Variants in MACROD2 observed in about 807,000 individuals in gnomAD.
MACROD2 encodes mono-ADP ribosylhydrolase 2.
Under a neutral mutation model 70.4 loss-of-function variants are expected in MACROD2, and 36 were observed. That is an observed-to-expected ratio of 0.51 (90% CI 0.39 to 0.68). MACROD2 has a LOEUF of 0.68. Among genes scored for constraint, MACROD2 ranks in the 30% least tolerant of loss-of-function variants. The pLI, the probability that MACROD2 is intolerant of heterozygous loss-of-function variation, is 0.00. For synonymous variants in MACROD2, 172 were observed against 178.8 expected (o/e 0.96, Z 0.30); for missense variants, 496 against 538.4 (o/e 0.92, Z 0.78).
chr20:14,180,807 C>G (rs2081299382), intron 3 of MACROD2, among the ~76,000 whole-genome samples: 1 of 151,904 alleles, frequency 6.6e-6, no homozygotes, highest in Non-Finnish European at 1.5e-5. Context: ...GTAAATTGCT[C>G]AAATATTAGA....
intron 8 of MACROD2, among the ~76,000 whole-genome samples, chr20:15,526,315 T>A (rs113825717): frequency 5.5e-4 from 83 of 152,214 alleles, no homozygotes; most frequent in African/African-American, 1.8e-3. Flanking sequence ...TAGATGACAA[T>A]GATGGAATGA....
At chr20:15,521,497 T>C (rs1000993217) in intron 8 of MACROD2, among the ~76,000 whole-genome samples, 4 of 152,250 alleles carry the variant, frequency 2.6e-5, no homozygotes, top group African/African-American at 9.6e-5. Flanking sequence ...GGATAAGTAT[T>C]AACTTGAGTA....
At chr20:15,520,084 T>C (rs968240873) in intron 8 of MACROD2, among the ~76,000 whole-genome samples, 2 of 152,186 alleles carry the variant, frequency 1.3e-5, no homozygotes, top group Non-Finnish European at 2.9e-5. Flanking sequence ...AAACTTATCA[T>C]AGAAAAATGA....
rs778645787 is a variant in MACROD2 at position 15,885,766 on chromosome 20, G to T, written c.730G>T (p.Asp244Tyr). The T allele has an allele frequency of 1.3e-5, 19 of 1,480,970 alleles. No individual in the cohort carries two copies. Among genetic ancestry groups the T allele is most frequent in the Non-Finnish European group, 1.5e-5 (17 of 1,114,740 alleles). The allele number at this position is 1,480,970 out of a possible 1,614,324, so 91.7% of individuals were successfully genotyped here. Residue 244 changes from aspartate to tyrosine, a missense_variant and splice_region_variant, in exon 10 of 18, where the codon GAT becomes TAT. Asp to Tyr is a radical substitution (Grantham distance 160). Coordinates refer to ENST00000684519, the MANE Select transcript of MACROD2 (RefSeq NM_001351661.2). Reference sequence around the variant, plus strand: ...TATGTTTTCCTATTTTTTAACAGACGATAATAATGAAGAAGAAGAGGATGT... The same window carrying T: ...TATGTTTTCCTATTTTTTAACAGACTATAATAATGAAGAAGAAGAGGATGT... ...KKMNEFFSVD[D>Y]NNEEEEDVEM...
intron 4 of MACROD2, among the ~76,000 whole-genome samples, chr20:14,587,257 G>C (rs888025300): frequency 6.6e-6 from 1 of 151,596 alleles, no homozygotes; most frequent in Non-Finnish European, 1.5e-5. Context: ...GCATATTCAT[G>C]TTCTCATACC....
chr20:14,152,070 G>A (rs112349886), intron 3 of MACROD2, among the ~76,000 whole-genome samples: 1 of 151,412 alleles, frequency 6.6e-6, no homozygotes. Context: ...ATCTGCCCGC[G>A]TCAGCCTCCC....
chr20:15,873,535 T>C (rs2064616738), intron 9 of MACROD2, among the ~76,000 whole-genome samples: 2 of 152,318 alleles, frequency 1.3e-5, no homozygotes, highest in South Asian at 2.1e-4. Context: ...TCTTATTGAT[T>C]TATAAGAACT....
At chr20:14,679,787 T>C (rs2070908948) in intron 4 of MACROD2, among the ~76,000 whole-genome samples, 1 of 152,188 alleles carries the variant, frequency 6.6e-6, no homozygotes, top group Non-Finnish European at 1.5e-5. Flanking sequence ...TAGGAGATCA[T>C]ATTTTAATTG....
chr20:14,789,460 A>ATTTTTTTTTTTTTTTTTTTTT (rs3045609), intron 5 of MACROD2, among the ~76,000 whole-genome samples: 11 of 48,358 alleles, frequency 2.3e-4, no homozygotes, highest in African/African-American at 5.1e-4. Context: ...GGTAGTGCAA[A>ATTTTTTTTTTTTTTTTTTTTT]TTTTTTTTTT....
At chr20:15,372,344 A>G (rs1752330267) in intron 6 of MACROD2, among the ~76,000 whole-genome samples, 1 of 152,240 alleles carries the variant, frequency 6.6e-6, no homozygotes, top group African/African-American at 2.4e-5. Flanking sequence ...TCAGCATTGT[A>G]TGAAGGTTCA....
chr20:15,075,075 A>G (rs576158062), intron 5 of MACROD2, among the ~76,000 whole-genome samples: 11 of 152,298 alleles, frequency 7.2e-5, no homozygotes, highest in African/African-American at 2.6e-4. Context: ...ACAAAAATCA[A>G]ATCAACTTAT....
chr20:14,873,401 G>T (rs2122433435), intron 5 of MACROD2, among the ~76,000 whole-genome samples: 1 of 152,146 alleles, frequency 6.6e-6, no homozygotes, highest in African/African-American at 2.4e-5. Flanking sequence ...GTCGACTTTT[G>T]CTAGATGTAG....
chr20:14,961,228 C>T (rs952628008), intron 5 of MACROD2, among the ~76,000 whole-genome samples: 4 of 151,938 alleles, frequency 2.6e-5, no homozygotes, highest in South Asian at 2.1e-4. Context: ...TCATATATTC[C>T]GATTAGTTAT....
chr20:14,968,138 G>C (rs1223379225), intron 5 of MACROD2, among the ~76,000 whole-genome samples: 1 of 151,842 alleles, frequency 6.6e-6, no homozygotes, highest in Non-Finnish European at 1.5e-5. Flanking sequence ...TTATATGGTA[G>C]GTCAAAAAAC....
intron 4 of MACROD2, among the ~76,000 whole-genome samples, chr20:14,666,893 G>C (rs753663669): frequency 6.6e-6 from 1 of 151,648 alleles, no homozygotes; most frequent in Admixed American, 6.6e-5. Flanking sequence ...TTTCTGTGAT[G>C]GTCAGTTTTG....
At chr20:15,299,615 A>G (rs1322443860) in intron 6 of MACROD2, among the ~76,000 whole-genome samples, 7 of 152,236 alleles carry the variant, frequency 4.6e-5, no homozygotes, top group Admixed American at 2.6e-4. Flanking sequence ...ACAAAGATTT[A>G]TGCTTCTGTG....
At position 14,626,248 on chromosome 20, in the gene MACROD2, T is replaced by C. The variant is rs532928496; in HGVS notation, c.302-58595T>C. 1.3e-3 allele frequency among the ~76,000 whole-genome samples: 196 copies of C among 152,296 alleles called. 3 individuals are homozygous for C. The South Asian group carries it at 0.038, about 29-fold the overall frequency. ...GGATGCTATCACATATCATACTTCC[T>C]AGAAGCTGTCAGCCTGAGAAACCCA... On this transcript the variant is annotated intron_variant, in intron 4 of 17. Transcript: ENST00000684519.
At chr20:14,329,442 T>G (rs938400724) in intron 3 of MACROD2, 1 of 152,100 alleles carries the variant, frequency 6.6e-6, no homozygotes, top group African/African-American at 2.4e-5. Context: ...ATCATAGTGG[T>G]TAGTCAGAAG....
At chr20:15,233,821 C>A (rs1951816142) in intron 6 of MACROD2, among the ~76,000 whole-genome samples, 1 of 150,362 alleles carries the variant, frequency 6.7e-6, no homozygotes, top group Non-Finnish European at 1.5e-5. Flanking sequence ...TAAATCGTTT[C>A]AATTGAAAAA....
Sources: gnomAD v4.1 joint callset for allele counts (sites outside exome capture counted in the v4.1 genomes callset) on GRCh38, gnomAD v4.1.1 for gene constraint, MANE v1.5 for transcripts, NCBI Gene and HGNC (gene_info 2026-07-23, HGNC 2026-07-21) for gene names.